The following ROBO1 variants were observed in gnomAD, a reference collection of about 807,000 sequenced individuals.
ROBO1 encodes roundabout homolog 1.
Under a neutral mutation model 195.9 loss-of-function variants are expected in ROBO1, and 149 were observed. That is an observed-to-expected ratio of 0.76 (90% CI 0.67 to 0.87). The LOEUF is 0.87. Among genes scored for constraint, ROBO1 ranks in the 40% least tolerant of loss-of-function variants. The pLI is 0.00. For synonymous variants in ROBO1, 816 were observed against 733.2 expected, an observed-to-expected ratio of 1.11 and a Z score of -1.82; for missense variants, 1,933 against 2,068.3, an observed-to-expected ratio of 0.93 and a Z score of 1.27.
At chr3:79,358,697 AAG>A (rs1489781080) in intron 2 of ROBO1, among the ~76,000 whole-genome samples, 2 of 152,058 alleles carry the variant, frequency 1.3e-5, no homozygotes, top group African/African-American at 4.8e-5. Context: ...ATTTTAATAA[AAG>A]GAAACAAACT....
intron 3 of ROBO1, among the ~76,000 whole-genome samples, chr3:78,944,708 G>A (rs1314743710): frequency 6.6e-6 from 1 of 152,242 alleles, no homozygotes; most frequent in African/African-American, 2.4e-5. Context: ...TCAAACCAGA[G>A]AGAGGCATTG....
At chr3:79,715,760 A>G (rs1702457894) in intron 1 of ROBO1, among the ~76,000 whole-genome samples, 1 of 152,014 alleles carries the variant, frequency 6.6e-6, no homozygotes, top group East Asian at 1.9e-4. Context: ...CCTTGATCAT[A>G]CTTTGAGAAA....
At position 79,001,758 on chromosome 3, in the gene ROBO1, A is replaced by G. The variant is rs1371426447; in HGVS notation, c.173-62831T>C. The stretch of plus-strand genomic sequence containing the variant: ...TCACTATAATTTCCTAAAAGAAGCA[A>G]TTCAACATTTAAATGTGTCTCTTTA... On this transcript the variant is annotated intron_variant, in intron 3 of 30. Transcript: ENST00000464233. Among the ~76,000 whole-genome samples the G allele has an allele frequency of 2.6e-5, 4 of 152,262 alleles. No individual in the cohort carries two copies. In the East Asian group the frequency reaches 7.7e-4, roughly 29 times the overall value.
intron 2 of ROBO1, among the ~76,000 whole-genome samples, chr3:79,244,460 T>C (rs1193557590): frequency 6.6e-6 from 1 of 152,140 alleles, no homozygotes; most frequent in Non-Finnish European, 1.5e-5. Context: ...TTTTAAAATA[T>C]TGTCTTTTGA....
At chr3:78,663,278 T>C (rs1289839180) in intron 14 of ROBO1, among the ~76,000 whole-genome samples, 2 of 151,944 alleles carry the variant, frequency 1.3e-5, no homozygotes, top group African/African-American at 4.8e-5. Context: ...TTACATATTG[T>C]TTGGTTGTTT....
chr3:79,004,104 C>T (rs2077567630), intron 3 of ROBO1, among the ~76,000 whole-genome samples: 1 of 152,130 alleles, frequency 6.6e-6, no homozygotes, highest in Non-Finnish European at 1.5e-5. Flanking sequence ...TTGTGAGATC[C>T]AGTACAAATA....
chr3:78,924,090 C>A (rs1255209772), intron 4 of ROBO1, among the ~76,000 whole-genome samples: 3 of 151,324 alleles, frequency 2.0e-5, no homozygotes, highest in Non-Finnish European at 4.4e-5. Flanking sequence ...TGTATACATA[C>A]ACATACACAC....
chr3:78,929,922 G>A (rs1199647721), intron 4 of ROBO1, among the ~76,000 whole-genome samples: 1 of 152,126 alleles, frequency 6.6e-6, no homozygotes, highest in East Asian at 1.9e-4. Flanking sequence ...CACTTAGAAA[G>A]ACAGCTTTAC....
At chr3:79,367,354 C>T (rs182838611) in intron 2 of ROBO1, among the ~76,000 whole-genome samples, 56 of 152,256 alleles carry the variant, frequency 3.7e-4, no homozygotes, top group Non-Finnish European at 2.4e-4. Context: ...TGATATTAAT[C>T]TCATTTTCAG....
intron 3 of ROBO1, among the ~76,000 whole-genome samples, chr3:78,960,791 C>A (rs111584992): frequency 0.04 from 4,507 of 113,258 alleles, 200 homozygotes; most frequent in African/African-American, 0.15. Flanking sequence ...CACACACACA[C>A]ACACACACAC....
chr3:79,400,478 G>T (rs2037327727), intron 2 of ROBO1, among the ~76,000 whole-genome samples: 1 of 151,958 alleles, frequency 6.6e-6, no homozygotes, highest in Admixed American at 6.6e-5. Context: ...CGCAAATCAT[G>T]TGCACTTCTA....
chr3:79,195,818 T>G (rs918692776), intron 2 of ROBO1, among the ~76,000 whole-genome samples: 1 of 151,488 alleles, frequency 6.6e-6, no homozygotes, highest in Non-Finnish European at 1.5e-5. Flanking sequence ...CTAATGTCTC[T>G]TTTTAAATAA....
intron 4 of ROBO1, among the ~76,000 whole-genome samples, chr3:78,833,944 T>C (rs1486014386): frequency 6.6e-6 from 1 of 152,128 alleles, no homozygotes; most frequent in Non-Finnish European, 1.5e-5. Flanking sequence ...ATTCAGACTT[T>C]TGGCAAACAC....
intron 2 of ROBO1, among the ~76,000 whole-genome samples, chr3:79,469,025 T>G (rs1040734284): frequency 6.6e-6 from 1 of 152,156 alleles, no homozygotes; most frequent in Non-Finnish European, 1.5e-5. Context: ...GTACTTAAAA[T>G]CTACTTAACA....
intron 4 of ROBO1, among the ~76,000 whole-genome samples, chr3:78,762,928 AGGGG>A (rs2083141939): frequency 6.6e-6 from 1 of 152,116 alleles, no homozygotes; most frequent in Admixed American, 6.5e-5. Flanking sequence ...CCAGGATTGG[AGGGG>A]ATCATAGACA....
chr3:78,772,648 A>T (rs898191833), intron 4 of ROBO1, among the ~76,000 whole-genome samples: 1 of 152,026 alleles, frequency 6.6e-6, no homozygotes, highest in African/African-American at 2.4e-5. Flanking sequence ...TTAATCTCCA[A>T]TGAGACAGTA....
intron 2 of ROBO1, among the ~76,000 whole-genome samples, chr3:79,275,345 T>C (rs1299746846): frequency 6.6e-6 from 1 of 151,990 alleles, no homozygotes; most frequent in African/African-American, 2.4e-5. Context: ...TCAATCAATG[T>C]GATATATCCT....
intron 1 of ROBO1, among the ~76,000 whole-genome samples, chr3:79,722,767 T>C (rs541333385): frequency 1.4e-4 from 22 of 152,298 alleles, no homozygotes; most frequent in Non-Finnish European, 2.9e-4. Context: ...CAGAAGTGTT[T>C]TGATGGCTTA....
intron 2 of ROBO1, among the ~76,000 whole-genome samples, chr3:79,578,161 A>C (rs1943554623): frequency 6.6e-6 from 1 of 152,184 alleles, no homozygotes. Flanking sequence ...ATTTCTCAGA[A>C]AGATATAGAG....
Sources: gnomAD v4.1 joint callset for allele counts (sites outside exome capture counted in the v4.1 genomes callset) on GRCh38, gnomAD v4.1.1 for gene constraint, MANE v1.5 for transcripts, NCBI Gene and HGNC (gene_info 2026-07-23, HGNC 2026-07-21) for gene names.